SEMA5A: variants seen among roughly 807,000 people sequenced by gnomAD.
SEMA5A encodes semaphorin 5A, also known as semaphorin-5A.
A neutral mutation model predicts 135.5 loss-of-function variants in SEMA5A; 55 were observed. The observed-to-expected ratio is 0.41, with a 90% CI of 0.33 to 0.51. The LOEUF is 0.51. Among genes scored for constraint, SEMA5A ranks in the 20% least tolerant of loss-of-function variants. SEMA5A has a pLI of 0.37. For missense variants in SEMA5A, 1,290 were observed against 1,419.9 expected, an observed-to-expected ratio of 0.91 and a Z score of 1.47; for synonymous variants, 580 against 546.5, an observed-to-expected ratio of 1.06 and a Z score of -0.85.
chr5:9,428,380 C>T (rs1278659598), intron 2 of SEMA5A, among the ~76,000 whole-genome samples: 1 of 152,108 alleles, frequency 6.6e-6, no homozygotes, highest in Non-Finnish European at 1.5e-5. Flanking sequence ...GAAGATGATA[C>T]TATGAAATTC....
At chr5:9,265,288 G>A (rs1008283186) in intron 5 of SEMA5A, 1 of 363,048 alleles carries the variant, frequency 2.8e-6, no homozygotes, top group South Asian at 2.1e-5. Flanking sequence ...TTGTGGATGA[G>A]GTGCTCTAGA....
intron 16 of SEMA5A, among the ~76,000 whole-genome samples, chr5:9,092,898 C>T (rs1441436177): frequency 6.6e-6 from 1 of 152,180 alleles, no homozygotes; most frequent in African/African-American, 2.4e-5. Context: ...ACCCTACACT[C>T]TGCAAGGTGT....
chr5:9,386,630 G>A (rs553230070), intron 2 of SEMA5A, among the ~76,000 whole-genome samples: 139 of 152,282 alleles, frequency 9.1e-4, no homozygotes, highest in African/African-American at 3.3e-3. Flanking sequence ...CAGCCACAGC[G>A]GCAGCTCCTT....
At chr5:9,270,058 T>A (rs1231163669) in intron 5 of SEMA5A, among the ~76,000 whole-genome samples, 1 of 152,076 alleles carries the variant, frequency 6.6e-6, no homozygotes, top group South Asian at 2.1e-4. Context: ...ACATGCAAGG[T>A]GGTTTACGCA....
intron 1 of SEMA5A, among the ~76,000 whole-genome samples, chr5:9,471,595 C>G (rs578212943): frequency 6.6e-6 from 1 of 152,008 alleles, no homozygotes; most frequent in South Asian, 2.1e-4. Flanking sequence ...CAAAGTAACC[C>G]GTCCGATTAG....
At chr5:9,265,405 T>C (rs1244970083) in intron 5 of SEMA5A, 5 of 455,998 alleles carry the variant, frequency 1.1e-5, no homozygotes, top group South Asian at 4.6e-5. Context: ...GTCAATCCCA[T>C]CCTTCTATGG....
chr5:9,243,885 G>A (rs891353450), intron 5 of SEMA5A, among the ~76,000 whole-genome samples: 1 of 152,042 alleles, frequency 6.6e-6, no homozygotes, highest in Non-Finnish European at 1.5e-5. Context: ...CAGTTTCTTT[G>A]TTTTCCACCC....
chr5:9,122,703 A>T lies in SEMA5A; in HGVS notation c.1734T>A (p.Gly578=). 1.2e-6 allele frequency: 2 copies of T among 1,612,684 alleles called. No individual in the cohort carries two copies. Among genetic ancestry groups the T allele is most frequent in the Non-Finnish European group, 1.7e-6 (2 of 1,179,282 alleles). The change falls in exon 14 of 23, where the codon GGT becomes GGA. Residue 578 remains glycine, a synonymous_variant. Transcript: ENST00000382496. ...RSCDSPAPQC[G]GWQCEGPGME... ...TGCCAGGGCCCTCGCACTGCCAGCCACCACACTGCGGGGCCGGGCTGTCGC... is the reference window on the plus strand; with the variant it reads ...TGCCAGGGCCCTCGCACTGCCAGCCTCCACACTGCGGGGCCGGGCTGTCGC...
chr5:9,364,615 T>A (rs1332780122), intron 3 of SEMA5A, among the ~76,000 whole-genome samples: 1 of 152,204 alleles, frequency 6.6e-6, no homozygotes, highest in African/African-American at 2.4e-5. Context: ...TAGATTAAAA[T>A]TATAAGAAGG....
At chr5:9,082,804 C>T (rs1317190541) in intron 16 of SEMA5A, among the ~76,000 whole-genome samples, 1 of 152,136 alleles carries the variant, frequency 6.6e-6, no homozygotes, top group Non-Finnish European at 1.5e-5. Context: ...ATCCTTTCTT[C>T]CTAGAAAATG....
chr5:9,041,015 T>C lies in SEMA5A; in HGVS notation c.*1882A>G, dbSNP rs371892358. 1.4e-4 allele frequency: 21 copies of C among 152,348 alleles called. No homozygotes were observed. The highest frequency in any genetic ancestry group is 4.8e-4 in the African/African-American group (20 of 41,578). The allele number at this position is 152,348 out of a possible 1,614,324, so 9.4% of individuals were successfully genotyped here. The stretch of plus-strand genomic sequence containing the variant: ...TGAGTATGGACTTTGAGCATGTGCA[T>C]ATAGACAGAAGACTCTGACATATGA... On this transcript the variant is annotated 3_prime_UTR_variant, in exon 23 of 23. Transcript: ENST00000382496.
At chr5:9,238,920 A>G (rs576951902) in intron 5 of SEMA5A, among the ~76,000 whole-genome samples, 78 of 152,296 alleles carry the variant, frequency 5.1e-4, no homozygotes, top group African/African-American at 1.8e-3. Context: ...GTCAAATAAT[A>G]AACTAAACCA....
chr5:9,202,369 T>TG, intron 8 of SEMA5A, 129 bp from the exon 9 acceptor site: 1 of 879,066 alleles, frequency 1.1e-6, no homozygotes, highest in South Asian at 1.8e-5. Flanking sequence ...ATAGGACTAT[T>TG]GGGAGGCCCC....
At position 9,355,134 on chromosome 5, in the gene SEMA5A, C is replaced by T. The variant is rs577274943; in HGVS notation, c.125-17322G>A. 1.4e-4 allele frequency among the ~76,000 whole-genome samples: 21 copies of T among 152,284 alleles called. No individual in the cohort carries two copies. The South Asian group carries it at 3.7e-3, about 27-fold the overall frequency. Reference sequence around the variant, plus strand: ...CTCTGTCATAACTACTCAACTCTGCCTTTGCCACCACAGACAAGAGTGGGT... The same window carrying T: ...CTCTGTCATAACTACTCAACTCTGCTTTTGCCACCACAGACAAGAGTGGGT... On this transcript the variant is annotated intron_variant, in intron 3 of 22. Coordinates refer to ENST00000382496, the MANE Select transcript of SEMA5A (RefSeq NM_003966.3).
chr5:9,328,105 T>C (rs1220314682), intron 4 of SEMA5A, among the ~76,000 whole-genome samples: 2 of 152,184 alleles, frequency 1.3e-5, no homozygotes, highest in African/African-American at 2.4e-5. Flanking sequence ...ATATGCTCTA[T>C]CCCAGTCACA....
At chr5:9,279,853 C>T (rs931060649) in intron 5 of SEMA5A, among the ~76,000 whole-genome samples, 2 of 152,108 alleles carry the variant, frequency 1.3e-5, no homozygotes, top group African/African-American at 4.8e-5. Context: ...CCTGTTAAGC[C>T]CATGGAACTA....
At chr5:9,072,616 T>A (rs1283730924) in intron 16 of SEMA5A, among the ~76,000 whole-genome samples, 3 of 152,170 alleles carry the variant, frequency 2.0e-5, no homozygotes, top group African/African-American at 7.2e-5. Context: ...CAAGGGTCAT[T>A]GGTTGGATAC....
At chr5:9,399,920 GATACTGGTATAC>G (rs761249918) in intron 2 of SEMA5A, among the ~76,000 whole-genome samples, 9 of 152,054 alleles carry the variant, frequency 5.9e-5, no homozygotes, top group Non-Finnish European at 1.3e-4. Flanking sequence ...AGGGGGATAA[GATACTGGTATAC>G]ATACAAAGTA....
intron 1 of SEMA5A, among the ~76,000 whole-genome samples, chr5:9,471,407 T>C (rs1291374488): frequency 6.6e-6 from 1 of 152,164 alleles, no homozygotes; most frequent in Non-Finnish European, 1.5e-5. Flanking sequence ...TCTAATTGTA[T>C]TCTGTATTCT....
Sources: allele counts gnomAD v4.1 joint callset (sites outside exome capture counted in the v4.1 genomes callset), GRCh38; gene constraint gnomAD v4.1.1; transcripts MANE v1.5; gene names NCBI Gene and HGNC (gene_info 2026-07-23, HGNC 2026-07-21).